Variants in NAALADL2 observed in about 807,000 individuals in gnomAD.
NAALADL2 encodes inactive N-acetylated-alpha-linked acidic dipeptidase-like protein 2.
NAALADL2 carries 76 observed loss-of-function variants against 87.2 expected under a neutral mutation model. The observed-to-expected ratio is 0.87, with a 90% confidence interval of 0.72 to 1.05. NAALADL2 has a LOEUF of 1.05. NAALADL2 is among the 50% of genes least tolerant of loss of function. The pLI is 0.00. For missense variants in NAALADL2, 1,089 were observed against 945.8 expected, an observed-to-expected ratio of 1.15 and a Z score of -1.99; for synonymous variants, 354 against 331.0, an observed-to-expected ratio of 1.07 and a Z score of -0.75.
At chr3:175,098,900 T>C (rs976581187) in intron 2 of NAALADL2, among the ~76,000 whole-genome samples, 1 of 152,024 alleles carries the variant, frequency 6.6e-6, no homozygotes, top group Non-Finnish European at 1.5e-5. Context: ...TGTGTTTTTT[T>C]TTTTTTCCCT....
intron 1 of NAALADL2, among the ~76,000 whole-genome samples, chr3:174,945,407 G>T (rs1739261197): frequency 6.6e-6 from 1 of 152,072 alleles, no homozygotes; most frequent in East Asian, 1.9e-4. Flanking sequence ...ATACTGCATT[G>T]CCTATTATCT....
At chr3:174,762,863 ACAAT>A (rs1049553884) in intron 3 of NAALADL2, among the ~76,000 whole-genome samples, 1 of 152,230 alleles carries the variant, frequency 6.6e-6, no homozygotes, top group Non-Finnish European at 1.5e-5. Flanking sequence ...AAAAATTAAA[ACAAT>A]CAAGAACTTT....
chr3:175,057,386 T>A (rs771027336), intron 1 of NAALADL2, among the ~76,000 whole-genome samples: 3 of 152,152 alleles, frequency 2.0e-5, no homozygotes, highest in Non-Finnish European at 4.4e-5. Flanking sequence ...TCAAGATAAA[T>A]AGATGTGCTA....
intron 11 of NAALADL2, among the ~76,000 whole-genome samples, chr3:175,627,892 C>T (rs1197658903): frequency 1.3e-5 from 2 of 151,506 alleles, no homozygotes; most frequent in Non-Finnish European, 3.0e-5. Context: ...CAAAGTGGAC[C>T]TTTGCATTTT....
intron 2 of NAALADL2, among the ~76,000 whole-genome samples, chr3:175,106,920 C>G (rs1050381263): frequency 1.3e-5 from 2 of 150,400 alleles, no homozygotes; most frequent in African/African-American, 2.4e-5. Flanking sequence ...GCAAAAGTAT[C>G]GAATCAATTA....
intron 2 of NAALADL2, among the ~76,000 whole-genome samples, chr3:175,145,545 A>C (rs937774332): frequency 1.3e-5 from 2 of 152,160 alleles, no homozygotes; most frequent in African/African-American, 4.8e-5. Flanking sequence ...GACCTTTCTT[A>C]AGCCTAGATT....
chr3:175,206,264 T>TATATATATATATATATATATATATA lies in NAALADL2; in HGVS notation c.546-27667_546-27666insATATATATATATATATATATATATA, dbSNP rs750185480. On this transcript the variant is annotated intron_variant, in intron 2 of 13. Transcript: ENST00000454872. ...AAAAACTATATATATATATATATAT[T>TATATATATATATATATATATATATA]TTTTTTTTTCACTGTGTGTGTGTAT... Among the ~76,000 whole-genome samples the TATATATATATATATATATATATATA allele has an allele frequency of 1.0e-3, 71 of 69,566 alleles. 3 individuals are homozygous for TATATATATATATATATATATATATA. Among genetic ancestry groups the TATATATATATATATATATATATATA allele is most frequent in the African/African-American group, 2.6e-3 (43 of 16,802 alleles). 45.6% of individuals were successfully genotyped at this position (69,566 alleles called of 152,430 possible). A position where few individuals can be genotyped will look rare whatever the true frequency, so the allele number is the denominator to read the frequency against.
intron 2 of NAALADL2, among the ~76,000 whole-genome samples, chr3:175,139,204 C>T (rs1389392819): frequency 6.6e-6 from 1 of 151,452 alleles, no homozygotes; most frequent in Non-Finnish European, 1.5e-5. Flanking sequence ...ATATTACCCT[C>T]AGATTTATTC....
At chr3:175,214,318 A>C (rs1297082117) in intron 2 of NAALADL2, among the ~76,000 whole-genome samples, 3 of 152,166 alleles carry the variant, frequency 2.0e-5, no homozygotes, top group Non-Finnish European at 4.4e-5. Context: ...AAAGCTGAAA[A>C]TTCTGCTGTA....
intron 13 of NAALADL2, among the ~76,000 whole-genome samples, chr3:175,787,319 T>C (rs569136763): frequency 0.027 from 4,025 of 150,016 alleles, 79 homozygotes; most frequent in South Asian, 0.049. Flanking sequence ...GCCTTCCTGC[T>C]GCCTTGCAGT....
At chr3:175,073,763 G>A (rs11924676) in intron 1 of NAALADL2, among the ~76,000 whole-genome samples, 18,147 of 152,010 alleles carry the variant, frequency 0.12, 1,255 homozygotes, top group East Asian at 0.21. Context: ...GTAGAAACTA[G>A]TGGTTATTGT....
intron 1 of NAALADL2, among the ~76,000 whole-genome samples, chr3:174,901,697 G>C (rs1732318877): frequency 6.6e-6 from 1 of 152,078 alleles, no homozygotes; most frequent in African/African-American, 2.4e-5. Context: ...TTTCCAGTCA[G>C]GTCAGAAAGA....
chr3:174,846,183 A>G (rs1028980829), intron 3 of NAALADL2, among the ~76,000 whole-genome samples: 5 of 152,004 alleles, frequency 3.3e-5, no homozygotes, highest in Admixed American at 2.6e-4. Context: ...GTCCCCTTTG[A>G]CTCCAATCTG....
At chr3:174,879,823 C>G (rs1043980922) in intron 1 of NAALADL2, among the ~76,000 whole-genome samples, 3 of 151,998 alleles carry the variant, frequency 2.0e-5, no homozygotes, top group Admixed American at 1.3e-4. Flanking sequence ...CAACTATACC[C>G]AAAGCTTCTC....
At chr3:175,555,770 A>G (rs1402478788) in intron 9 of NAALADL2, among the ~76,000 whole-genome samples, 2 of 152,208 alleles carry the variant, frequency 1.3e-5, no homozygotes, top group Non-Finnish European at 2.9e-5. Context: ...CTGAGAGATT[A>G]AAAATGATAA....
At chr3:175,520,432 G>A (rs1489002944) in intron 9 of NAALADL2, among the ~76,000 whole-genome samples, 1 of 151,478 alleles carries the variant, frequency 6.6e-6, no homozygotes, top group Non-Finnish European at 1.5e-5. Flanking sequence ...CCGAGTAGCT[G>A]GGACTACAGG....
chr3:175,718,442 G>A, intron 11 of NAALADL2: 1 of 1,582,910 alleles, frequency 6.3e-7, no homozygotes, highest in East Asian at 2.2e-5. Context: ...GGGTGCTTCT[G>A]GGTATTTAGG....
Position 175,576,183 on chromosome 3 carries a change from T to C in NAALADL2, c.1796T>C (p.Leu599Ser). The C allele has an allele frequency of 6.2e-7, 1 of 1,611,526 alleles. No homozygotes were observed. Residue 599 changes from leucine (L) to serine (S), a missense_variant, in exon 10 of 14, where the codon TTA becomes TCA. Transcript: ENST00000454872. The part of the protein sequence containing the change: ...VQFAYEDIKT[L>S]EGPSFLSEAR... ...TTTGCTTACGAGGACATCAAAACATTAGAGGTGATTGTTCCTAAAAAATGC... is the reference window on the plus strand; with the variant it reads ...TTTGCTTACGAGGACATCAAAACATCAGAGGTGATTGTTCCTAAAAAATGC...
At chr3:175,244,457 G>A (rs1039998141) in intron 3 of NAALADL2, among the ~76,000 whole-genome samples, 2 of 151,278 alleles carry the variant, frequency 1.3e-5, no homozygotes, top group East Asian at 1.9e-4. Context: ...CTTCTTTTTG[G>A]TAAATGTTGA....
Sources: gnomAD v4.1 joint callset for allele counts (sites outside exome capture counted in the v4.1 genomes callset) on GRCh38, gnomAD v4.1.1 for gene constraint, MANE v1.5 for transcripts, NCBI Gene and HGNC (gene_info 2026-07-23, HGNC 2026-07-21) for gene names.